Variants in LRRC37A2 observed in about 807,000 individuals in gnomAD.
LRRC37A2 encodes the protein leucine rich repeat containing 37 member A2, also known as leucine-rich repeat-containing protein 37A2.
Under a neutral mutation model 68.8 loss-of-function variants are expected in LRRC37A2, and 9 were observed. That is an observed-to-expected ratio of 0.13 (90% CI 0.08 to 0.23). The LOEUF (loss-of-function observed/expected upper bound fraction) is 0.23, where lower values mean the gene tolerates loss of function less well. LRRC37A2 is among the 10% of genes least tolerant of loss of function. LRRC37A2 has a pLI of 1.00. For synonymous variants in LRRC37A2, 63 were observed against 367.6 expected (o/e 0.17, Z 9.48); for missense variants, 168 against 950.4 (o/e 0.18, Z 10.82).
the LRRC37A2 span, among the ~76,000 whole-genome samples, chr17:47,002,433 C>T: frequency 3.3e-5 from 5 of 151,610 alleles, no homozygotes; most frequent in African/African-American, 9.7e-5. Flanking sequence ...TCTTCTTGCC[C>T]AGGCTGGAGT....
chr17:46,727,747 A>T, the LRRC37A2 span, among the ~76,000 whole-genome samples: 1 of 152,242 alleles, frequency 6.6e-6, no homozygotes, highest in African/African-American at 2.4e-5. Context: ...CTTTATCTTA[A>T]CACAATTGAG....
At chr17:46,386,076 G>A in the LRRC37A2 span, among the ~76,000 whole-genome samples, 11,585 of 120,836 alleles carry the variant, frequency 0.096, 64 homozygotes, top group East Asian at 0.45. Context: ...GACCTTCCCA[G>A]ATAAACAATT....
the LRRC37A2 span, among the ~76,000 whole-genome samples, chr17:46,991,472 C>CA: frequency 6.6e-6 from 1 of 151,926 alleles, no homozygotes; most frequent in Admixed American, 6.6e-5. Context: ...ATCAAAAATA[C>CA]AAAAAATTAG....
the LRRC37A2 span, among the ~76,000 whole-genome samples, chr17:46,985,521 A>C: frequency 8.3e-6 from 1 of 120,792 alleles, no homozygotes; most frequent in African/African-American, 2.8e-5. Context: ...TTCCATCTCA[A>C]AAAAAAAAAA....
the LRRC37A2 span, chr17:46,751,572 A>G: frequency 1.9e-6 from 3 of 1,614,124 alleles, no homozygotes; most frequent in South Asian, 1.1e-5. Context: ...GAAGGTCTGG[A>G]TAGGAATCAA....
the LRRC37A2 span, among the ~76,000 whole-genome samples, chr17:46,894,862 G>A: frequency 2.0e-5 from 3 of 152,268 alleles, no homozygotes; most frequent in African/African-American, 7.2e-5. Flanking sequence ...AGCATTGGGA[G>A]GATTCCAGCT....
the LRRC37A2 span, among the ~76,000 whole-genome samples, chr17:46,388,394 C>CAAA: frequency 3.4e-4 from 15 of 44,658 alleles, no homozygotes; most frequent in African/African-American, 8.7e-4. Flanking sequence ...ACTAAAAATA[C>CAAA]AAAAAAAAAA....
chr17:46,803,553 A>C, the LRRC37A2 span, among the ~76,000 whole-genome samples: 2 of 152,196 alleles, frequency 1.3e-5, no homozygotes, highest in African/African-American at 4.8e-5. Context: ...AAAGTTAAAC[A>C]ATCATTCTAT....
chr17:46,498,811 C>G, the LRRC37A2 span, among the ~76,000 whole-genome samples: 1 of 149,660 alleles, frequency 6.7e-6, no homozygotes, highest in Non-Finnish European at 1.5e-5. Context: ...CTCTTAAGCT[C>G]TTTAAAATAT....
the LRRC37A2 span, among the ~76,000 whole-genome samples, chr17:46,635,816 T>TGTGTGTGTGC: frequency 2.8e-5 from 4 of 140,608 alleles, no homozygotes; most frequent in Admixed American, 7.3e-5. Flanking sequence ...TGTGTGTGTG[T>TGTGTGTGTGC]GTGCTCGTGT....
chr17:46,840,647 A>C, the LRRC37A2 span, among the ~76,000 whole-genome samples: 1 of 152,186 alleles, frequency 6.6e-6, no homozygotes, highest in South Asian at 2.1e-4. Flanking sequence ...GTTTCTCCAC[A>C]TCCTTTCCTG....
the LRRC37A2 span, chr17:46,875,494 A>T: frequency 7.7e-7 from 1 of 1,297,124 alleles, no homozygotes; most frequent in Non-Finnish European, 1.0e-6. Flanking sequence ...TAAAGGCAGG[A>T]TGAACTTCAC....
chr17:46,657,970 A>ATT, the LRRC37A2 span, among the ~76,000 whole-genome samples: 3,249 of 11,874 alleles, frequency 0.27, 761 homozygotes, highest in Non-Finnish European at 0.46. Context: ...TATTTTATTT[A>ATT]TTTTTTTTTT....
chr17:46,853,952 T>G, the LRRC37A2 span, among the ~76,000 whole-genome samples: 1 of 152,052 alleles, frequency 6.6e-6, no homozygotes, highest in African/African-American at 2.4e-5. Flanking sequence ...GAACTGAGCA[T>G]GGAGCAGCCT....
the LRRC37A2 span, chr17:46,973,242 T>TCTAA: frequency 1.3e-5 from 2 of 153,572 alleles, no homozygotes; most frequent in Admixed American, 6.6e-5. Flanking sequence ...GAGCCCATTA[T>TCTAA]CTAACCACAC....
the LRRC37A2 span, among the ~76,000 whole-genome samples, chr17:46,857,459 A>C: frequency 7.0e-6 from 1 of 142,214 alleles, no homozygotes; most frequent in African/African-American, 2.7e-5. Context: ...TGGGCAACAG[A>C]GCAAGACTCT....
At chr17:46,884,188 C>T in the LRRC37A2 span, among the ~76,000 whole-genome samples, 5 of 152,240 alleles carry the variant, frequency 3.3e-5, no homozygotes, top group African/African-American at 1.2e-4. Context: ...CAGAGCCTGA[C>T]AGGCTCTAAT....
the LRRC37A2 span, among the ~76,000 whole-genome samples, chr17:46,827,728 G>A: frequency 2.6e-5 from 4 of 152,114 alleles, no homozygotes; most frequent in African/African-American, 9.7e-5. Context: ...TGACTTACAA[G>A]GTGAGTTGCT....
chr17:46,769,783 C>T, the LRRC37A2 span: 2 of 1,610,608 alleles, frequency 1.2e-6, no homozygotes, highest in Non-Finnish European at 1.7e-6. Flanking sequence ...CCGGGCTCAC[C>T]GTGCGGCCCG....
Sources: gnomAD v4.1 joint callset for allele counts (sites outside exome capture counted in the v4.1 genomes callset) on GRCh38, gnomAD v4.1.1 for gene constraint, MANE v1.5 for transcripts, NCBI Gene and HGNC (gene_info 2026-07-23, HGNC 2026-07-21) for gene names.